The following CYP19A1 variants were observed in gnomAD, a reference collection of about 807,000 sequenced individuals.
CYP19A1 encodes the protein aromatase.
Under a neutral mutation model 44.4 loss-of-function variants are expected in CYP19A1, and 32 were observed. The observed-to-expected ratio is 0.72, with a 90% CI of 0.54 to 0.97. The LOEUF (loss-of-function observed/expected upper bound fraction) is 0.97, where lower values mean the gene tolerates loss of function less well. CYP19A1 is among the 50% of genes least tolerant of loss of function. The pLI, the probability that CYP19A1 is intolerant of heterozygous loss-of-function variation, is 0.00. For synonymous variants in CYP19A1, 212 were observed against 215.6 expected (o/e 0.98, Z 0.14); for missense variants, 598 against 637.8 (o/e 0.94, Z 0.67).
chr15:51,290,270 G>T (rs778092436), intron 1 of CYP19A1, among the ~76,000 whole-genome samples: 2 of 152,236 alleles, frequency 1.3e-5, no homozygotes, highest in Non-Finnish European at 2.9e-5. Context: ...CATAGATGCT[G>T]CTAGGAGCAG....
chr15:51,313,720 C>T (rs534279349), intron 1 of CYP19A1, among the ~76,000 whole-genome samples: 1 of 152,216 alleles, frequency 6.6e-6, no homozygotes, highest in Admixed American at 6.5e-5. Flanking sequence ...TCACTTGAAC[C>T]TGGGAGGCGG....
chr15:51,335,265 C>T (rs754171152), intron 1 of CYP19A1, among the ~76,000 whole-genome samples: 9 of 152,184 alleles, frequency 5.9e-5, no homozygotes, highest in Admixed American at 1.3e-4. Flanking sequence ...GACAGCTCCA[C>T]GTCAAACAAT....
intron 1 of CYP19A1, among the ~76,000 whole-genome samples, chr15:51,261,366 C>G (rs929271888): frequency 6.6e-6 from 1 of 152,038 alleles, no homozygotes; most frequent in Admixed American, 6.5e-5. Context: ...AAAGACCCAC[C>G]CGTAACAGAA....
At chr15:51,268,530 C>CCT (rs1401890643) in intron 1 of CYP19A1, among the ~76,000 whole-genome samples, 48 of 125,804 alleles carry the variant, frequency 3.8e-4, no homozygotes, top group African/African-American at 8.7e-4. Context: ...CCCCCCCCCC[C>CCT]TTTTTTTTTG....
rs1417320498 is a variant in CYP19A1, at chr15:51,209,579, C to T, written c.*1229G>A. The T allele has an allele frequency of 6.5e-6, 1 of 152,676 alleles. No homozygotes were observed. The highest frequency in any genetic ancestry group is 1.9e-4 in the East Asian group (1 of 5,184). The allele number at this position is 152,676 out of a possible 1,614,324, so 9.5% of individuals were successfully genotyped here. ...GTAAAGTGGTGTTTGGAAAGTTCCT[C>T]CATTCATTTGATTTCCTTTAGAAAG... On this transcript the variant is annotated 3_prime_UTR_variant, in exon 10 of 10. Transcript: ENST00000396402.
chr15:51,279,574 A>AT (rs1317950541), intron 1 of CYP19A1, among the ~76,000 whole-genome samples: 3 of 152,240 alleles, frequency 2.0e-5, no homozygotes, highest in South Asian at 4.1e-4. Flanking sequence ...GAGGAAAAAA[A>AT]CACTGACTTC....
intron 3 of CYP19A1, among the ~76,000 whole-genome samples, chr15:51,231,385 C>T (rs922195849): frequency 3.9e-5 from 6 of 151,994 alleles, no homozygotes; most frequent in Admixed American, 1.3e-4. Context: ...GGCAGGGGGA[C>T]GGCTCTTTCA....
chr15:51,240,586 C>A (rs1032916673), intron 2 of CYP19A1, among the ~76,000 whole-genome samples: 10 of 152,146 alleles, frequency 6.6e-5, no homozygotes, highest in Admixed American at 5.2e-4. Context: ...TCAGCAAAAG[C>A]CACCCCAAAC....
chr15:51,239,956 C>A (rs937384412), intron 2 of CYP19A1, among the ~76,000 whole-genome samples: 5 of 152,142 alleles, frequency 3.3e-5, no homozygotes, highest in African/African-American at 1.2e-4. Flanking sequence ...GCTATACGTC[C>A]TGGGGGAAGG....
chr15:51,292,900 C>A (rs2140989780), intron 1 of CYP19A1, among the ~76,000 whole-genome samples: 1 of 151,658 alleles, frequency 6.6e-6, no homozygotes, highest in Non-Finnish European at 1.5e-5. Context: ...ACACCAGGTG[C>A]TCTGATTCTC....
At chr15:51,223,075 C>T (rs1490348887) in intron 4 of CYP19A1, among the ~76,000 whole-genome samples, 1 of 152,156 alleles carries the variant, frequency 6.6e-6, no homozygotes, top group Non-Finnish European at 1.5e-5. Flanking sequence ...TTTGATTTCT[C>T]TTCAAACTAC....
At chr15:51,305,192 G>A (rs753768153) in intron 1 of CYP19A1, among the ~76,000 whole-genome samples, 5 of 152,030 alleles carry the variant, frequency 3.3e-5, no homozygotes, top group African/African-American at 7.3e-5. Context: ...GATCCATCGC[G>A]CCCGGCCACG....
At chr15:51,211,651 C>A in intron 9 of CYP19A1, 1 of 444,534 alleles carries the variant, frequency 2.2e-6, no homozygotes, top group Non-Finnish European at 4.5e-6. Flanking sequence ...AATTAGAGTA[C>A]TGAATTATTT....
chr15:51,219,211 CAT>C (rs2031857322), intron 5 of CYP19A1, among the ~76,000 whole-genome samples: 1 of 152,152 alleles, frequency 6.6e-6, no homozygotes, highest in South Asian at 2.1e-4. Context: ...ACATAGCTTT[CAT>C]AGTTATTTAT....
At chr15:51,334,727 A>C (rs780869380) in intron 1 of CYP19A1, among the ~76,000 whole-genome samples, 10 of 152,222 alleles carry the variant, frequency 6.6e-5, no homozygotes, top group Non-Finnish European at 1.5e-4. Flanking sequence ...TGGCAGATTC[A>C]GGTGGTTGAT....
intron 1 of CYP19A1, among the ~76,000 whole-genome samples, chr15:51,268,207 C>T (rs2034999085): frequency 6.6e-6 from 1 of 152,182 alleles, no homozygotes; most frequent in Non-Finnish European, 1.5e-5. Context: ...GAAACCATTA[C>T]AAAATCAAGG....
intron 1 of CYP19A1, among the ~76,000 whole-genome samples, chr15:51,267,865 A>G (rs894129376): frequency 6.6e-6 from 1 of 152,140 alleles, no homozygotes; most frequent in African/African-American, 2.4e-5. Flanking sequence ...TGCCCACCCC[A>G]GCTTAGCAGG....
chr15:51,293,185 G>A (rs1010328657), intron 1 of CYP19A1, among the ~76,000 whole-genome samples: 2 of 151,924 alleles, frequency 1.3e-5, no homozygotes, highest in Non-Finnish European at 2.9e-5. Flanking sequence ...TGATAGGTGC[G>A]CCAAAATATC....
At chr15:51,331,934 T>TAC (rs1182215255) in intron 1 of CYP19A1, among the ~76,000 whole-genome samples, 3 of 151,002 alleles carry the variant, frequency 2.0e-5, no homozygotes, top group South Asian at 4.2e-4. Flanking sequence ...TATATATATA[T>TAC]ACACACATAC....
Sources: gnomAD v4.1 joint callset for allele counts (sites outside exome capture counted in the v4.1 genomes callset) on GRCh38, gnomAD v4.1.1 for gene constraint, MANE v1.5 for transcripts, NCBI Gene and HGNC (gene_info 2026-07-23, HGNC 2026-07-21) for gene names.